MDGA2: variants seen among roughly 807,000 people sequenced by gnomAD.
The protein encoded by MDGA2 is MAM domain containing glycosylphosphatidylinositol anchor 2.
In MDGA2, 40 loss-of-function variants were observed where a neutral mutation model predicts 117.8. The observed-to-expected ratio is 0.34, with a 90% CI of 0.26 to 0.44. MDGA2 has a LOEUF of 0.44. Among genes scored for constraint, MDGA2 ranks in the 20% least tolerant of loss-of-function variants. The pLI, the probability that MDGA2 is intolerant of heterozygous loss-of-function variation, is 1.00. For synonymous variants in MDGA2, 452 were observed against 439.0 expected (o/e 1.03, Z -0.37); for missense variants, 1,123 against 1,250.6 (o/e 0.90, Z 1.54).
At chr14:47,646,397 A>C (rs1242965800) in intron 1 of MDGA2, among the ~76,000 whole-genome samples, 1 of 152,082 alleles carries the variant, frequency 6.6e-6, no homozygotes, top group Non-Finnish European at 1.5e-5. Context: ...TATATTATAC[A>C]TATAATTCTT....
chr14:47,207,564 A>C (rs1885731433), intron 3 of MDGA2, among the ~76,000 whole-genome samples: 1 of 152,002 alleles, frequency 6.6e-6, no homozygotes, highest in Non-Finnish European at 1.5e-5. Flanking sequence ...TCTCTATTTT[A>C]GCTCATTCTG....
chr14:47,163,868 C>A (rs115063917), intron 3 of MDGA2, among the ~76,000 whole-genome samples: 2 of 151,982 alleles, frequency 1.3e-5, no homozygotes, highest in South Asian at 2.1e-4. Flanking sequence ...ATTACAGCAC[C>A]CTGAATTTAA....
At chr14:47,430,434 T>A (rs1892776295) in intron 1 of MDGA2, among the ~76,000 whole-genome samples, 1 of 152,082 alleles carries the variant, frequency 6.6e-6, no homozygotes, top group Non-Finnish European at 1.5e-5. Context: ...TTACATATGA[T>A]CCCTTTGCCA....
At chr14:47,174,156 G>T (rs553427552) in intron 3 of MDGA2, among the ~76,000 whole-genome samples, 95 of 152,138 alleles carry the variant, frequency 6.2e-4, no homozygotes, top group South Asian at 1.5e-3. Context: ...AGCAAGTCCT[G>T]AGTGACCTAC....
intron 2 of MDGA2, among the ~76,000 whole-genome samples, chr14:47,285,896 AAGTGG>A (rs1888653949): frequency 1.3e-5 from 2 of 152,092 alleles, no homozygotes; most frequent in South Asian, 4.1e-4. Context: ...CAGGACTAGA[AAGTGG>A]AGACATTAGA....
chr14:47,562,640 A>C (rs189375674), intron 1 of MDGA2, among the ~76,000 whole-genome samples: 2 of 152,158 alleles, frequency 1.3e-5, no homozygotes, highest in East Asian at 1.9e-4. Flanking sequence ...TTATTGGTCT[A>C]GCTAGTGTTC....
At chr14:47,058,346 T>G (rs143706962) in intron 7 of MDGA2, among the ~76,000 whole-genome samples, 3 of 152,206 alleles carry the variant, frequency 2.0e-5, no homozygotes, top group African/African-American at 7.2e-5. Context: ...TACTGACCAT[T>G]TGGTCAATGC....
At chr14:47,070,186 T>C (rs989816410) in intron 6 of MDGA2, among the ~76,000 whole-genome samples, 2 of 152,154 alleles carry the variant, frequency 1.3e-5, no homozygotes, top group Non-Finnish European at 2.9e-5. Flanking sequence ...CTATTTTTTA[T>C]ACCAACTAAC....
intron 1 of MDGA2, among the ~76,000 whole-genome samples, chr14:47,361,425 C>A (rs1048163668): frequency 1.3e-5 from 2 of 152,050 alleles, no homozygotes; most frequent in East Asian, 1.9e-4. Context: ...GATGTTGAAG[C>A]CATCCAGTCT....
Position 47,575,198 on chromosome 14 carries a change from G to A in MDGA2, c.280+99319C>T, listed in dbSNP as rs115071365. On this transcript the variant is annotated intron_variant, in intron 1 of 16. Coordinates refer to ENST00000399232, the MANE Select transcript of MDGA2 (RefSeq NM_001113498.3). Reference sequence around the variant, plus strand: ...TTGCAAATGGACAACTGTAGTAAACGAAATAATGGAGAGGACATTTTATTA... The same window carrying A: ...TTGCAAATGGACAACTGTAGTAAACAAAATAATGGAGAGGACATTTTATTA... 2.6e-3 allele frequency among the ~76,000 whole-genome samples: 389 copies of A among 152,144 alleles called. 2 individuals are homozygous for A. Among genetic ancestry groups the A allele is most frequent in the African/African-American group, 8.7e-3 (362 of 41,522 alleles).
intron 1 of MDGA2, among the ~76,000 whole-genome samples, chr14:47,523,539 C>T (rs577182947): frequency 6.6e-6 from 1 of 152,038 alleles, no homozygotes; most frequent in African/African-American, 2.4e-5. Context: ...CATCTGTAAT[C>T]GATCCATGGA....
rs2138977775 is a variant in MDGA2, at chr14:47,097,049, C to T, written c.1000G>A (p.Val334Ile). The change falls in exon 6 of 17, where the codon GTT (valine) becomes ATT (isoleucine). Residue 334 changes from valine to isoleucine, a missense_variant. Val to Ile is a conservative substitution (Grantham distance 29). Around this residue, in one of 2 missense-constraint regions of MDGA2, gnomAD observed 890 missense variants for 1,050.3 expected, o/e 0.85. Coordinates refer to ENST00000399232, the MANE Select transcript of MDGA2 (RefSeq NM_001113498.3). ...NPGEAITLVC[V>I]TTGGEPAPSL... ...GGTGCAGGCTCTCCTCCTGTTGTAA[C>T]ACATACTAATGTTATGGCCTCTCCA... 6.2e-7 allele frequency: 1 copy of T among 1,613,332 alleles called. No homozygotes were observed. The highest frequency in any genetic ancestry group is 2.2e-5 in the East Asian group (1 of 44,862).
At chr14:46,932,566 T>C (rs1954240) in intron 9 of MDGA2, among the ~76,000 whole-genome samples, 98,253 of 151,880 alleles carry the variant, frequency 0.65, 32,691 homozygotes, top group African/African-American at 0.8. Context: ...TGTATTAATA[T>C]TTTATAACCA....
At chr14:47,155,885 C>CTTTTTTTTTTTTT (rs1883353082) in intron 3 of MDGA2, among the ~76,000 whole-genome samples, 3 of 80,404 alleles carry the variant, frequency 3.7e-5, no homozygotes, top group African/African-American at 1.3e-4. Flanking sequence ...TCTTCTTCTT[C>CTTTTTTTTTTTTT]TTCTTTTTTT....
intron 8 of MDGA2, among the ~76,000 whole-genome samples, chr14:46,994,612 C>T (rs559695593): frequency 6.6e-6 from 1 of 151,920 alleles, no homozygotes; most frequent in African/African-American, 2.4e-5. Context: ...CAGACCAAAC[C>T]GTAGATTAAT....
chr14:47,288,207 T>A (rs1373528854), intron 2 of MDGA2, among the ~76,000 whole-genome samples: 1 of 152,198 alleles, frequency 6.6e-6, no homozygotes, highest in East Asian at 1.9e-4. Flanking sequence ...TTAGCAGATA[T>A]AAAATTTACA....
chr14:47,664,042 C>T (rs1014913), intron 1 of MDGA2, among the ~76,000 whole-genome samples: 151,424 of 152,222 alleles, frequency 0.99, 75,322 homozygotes, highest in East Asian at 1. Flanking sequence ...CTGGAGCTCT[C>T]AAATGAGGGG....
intron 1 of MDGA2, among the ~76,000 whole-genome samples, chr14:47,438,807 G>A (rs1250899197): frequency 3.3e-5 from 5 of 152,098 alleles, no homozygotes; most frequent in African/African-American, 1.2e-4. Context: ...CTCTATCAGG[G>A]AAAGGAATTG....
At chr14:47,070,341 T>A (rs1190753810) in intron 6 of MDGA2, among the ~76,000 whole-genome samples, 1 of 152,136 alleles carries the variant, frequency 6.6e-6, no homozygotes, top group Non-Finnish European at 1.5e-5. Flanking sequence ...TTAGAGAAAT[T>A]GTAAATTCTT....
Sources: gnomAD v4.1 joint callset for allele counts (sites outside exome capture counted in the v4.1 genomes callset) on GRCh38, gnomAD v4.1.1 for gene constraint, gnomAD v4.1.1 regional missense constraint, MANE v1.5 for transcripts, NCBI Gene and HGNC (gene_info 2026-07-23, HGNC 2026-07-21) for gene names.